TENM3: variants seen among roughly 807,000 people sequenced by gnomAD.
TENM3 encodes the protein teneurin-3.
In TENM3, 63 loss-of-function variants were observed where a neutral mutation model predicts 255.1. That is an observed-to-expected ratio of 0.25 (90% confidence interval 0.20 to 0.30). The LOEUF is 0.30. TENM3 is among the 10% of genes least tolerant of loss of function. The pLI is 1.00. For missense variants in TENM3, 2,929 were observed against 3,461.1 expected, an observed-to-expected ratio of 0.85 and a Z score of 3.86; for synonymous variants, 1,306 against 1,322.3, an observed-to-expected ratio of 0.99 and a Z score of 0.27.
chr4:181,946,770 G>A, the TENM3 span, among the ~76,000 whole-genome samples: 1 of 152,092 alleles, frequency 6.6e-6, no homozygotes, highest in Admixed American at 6.5e-5. Context: ...TTTGTGTTAC[G>A]TGTATTTATG....
At chr4:182,526,161 T>C (rs1027405928) in intron 3 of TENM3, among the ~76,000 whole-genome samples, 2 of 152,124 alleles carry the variant, frequency 1.3e-5, no homozygotes, top group Non-Finnish European at 2.9e-5. Flanking sequence ...TTTGTATTTT[T>C]AGTAGAGACG....
At chr4:181,475,864 C>T in the TENM3 span, among the ~76,000 whole-genome samples, 7 of 152,200 alleles carry the variant, frequency 4.6e-5, no homozygotes, top group Admixed American at 3.3e-4. Flanking sequence ...AACATTTCTA[C>T]CCCCGCAAAG....
the TENM3 span, among the ~76,000 whole-genome samples, chr4:181,533,115 A>G: frequency 6.6e-6 from 1 of 152,122 alleles, no homozygotes; most frequent in East Asian, 1.9e-4. Context: ...CTCCTGGAGA[A>G]CTCAATTATT....
the TENM3 span, among the ~76,000 whole-genome samples, chr4:182,101,729 T>C: frequency 2.0e-5 from 3 of 152,114 alleles, no homozygotes; most frequent in African/African-American, 4.8e-5. Context: ...CTAATAATAA[T>C]GTAGTGGATA....
chr4:182,364,747 C>T (rs1324829311), intron 3 of TENM3, among the ~76,000 whole-genome samples: 1 of 152,178 alleles, frequency 6.6e-6, no homozygotes, highest in Non-Finnish European at 1.5e-5. Context: ...TAAGTTTCCA[C>T]ATGCTATTGG....
chr4:181,811,537 C>A, the TENM3 span, among the ~76,000 whole-genome samples: 4 of 152,202 alleles, frequency 2.6e-5, no homozygotes, highest in African/African-American at 9.6e-5. Context: ...CTAATAAAGT[C>A]ATGCCTGAGA....
At chr4:182,627,812 T>C (rs4069813) in intron 4 of TENM3, among the ~76,000 whole-genome samples, 19,879 of 152,136 alleles carry the variant, frequency 0.13, 2,108 homozygotes, top group East Asian at 0.47. Flanking sequence ...GCTCTTGTCA[T>C]GTGACCACAC....
At chr4:181,536,388 A>G in the TENM3 span, among the ~76,000 whole-genome samples, 1 of 152,250 alleles carries the variant, frequency 6.6e-6, no homozygotes, top group Non-Finnish European at 1.5e-5. Flanking sequence ...ATCCTGCCCC[A>G]GCTCTGAGAT....
the TENM3 span, among the ~76,000 whole-genome samples, chr4:182,100,640 T>TATATATACAC: frequency 2.4e-3 from 124 of 50,812 alleles, 2 homozygotes; most frequent in African/African-American, 7.2e-3. Flanking sequence ...TATATACACA[T>TATATATACAC]ATATATACAC....
chr4:181,481,062 A>C, the TENM3 span, among the ~76,000 whole-genome samples: 1 of 151,930 alleles, frequency 6.6e-6, no homozygotes, highest in Non-Finnish European at 1.5e-5. Flanking sequence ...ATCAAAATTA[A>C]AAAGTTGAAT....
chr4:182,371,296 G>GT (rs1293707148), intron 3 of TENM3, among the ~76,000 whole-genome samples: 4 of 151,246 alleles, frequency 2.6e-5, no homozygotes, highest in African/African-American at 7.3e-5. Flanking sequence ...GTTGATGTTG[G>GT]TACCCAGCAT....
chr4:182,793,169 A>C lies in TENM3; in HGVS notation c.6497A>C (p.Asn2166Thr). 1 of 1,614,024 alleles carries C rather than the reference A, an allele frequency of 6.2e-7. No individual in the cohort carries two copies. The highest frequency in any genetic ancestry group is 8.5e-7 in the Non-Finnish European group (1 of 1,179,890). Residue 2166 changes from asparagine (N) to threonine (T), a missense_variant, in exon 26 of 28, where the codon AAC becomes ACC. Transcript: ENST00000511685. The surrounding 1 kb of genome is among the most constrained non-coding windows in gnomAD (Gnocchi z 5.7). ...NGNLHLLNPSNSARLTPLRYD... is the reference protein window; with the variant it reads ...NGNLHLLNPSTSARLTPLRYD... The stretch of plus-strand genomic sequence containing the variant: ...AACCTCCATTTACTGAACCCAAGTA[A>C]CAGTGCGCGTCTGACACCCCTTCGC...
In TENM3 at chr4:182,751,957, C is replaced by G; in HGVS notation, c.3787C>G (p.Gln1263Glu). 6.2e-7 allele frequency: 1 copy of G among 1,613,518 alleles called. No homozygotes were observed. The highest frequency in any genetic ancestry group is 8.5e-7 in the Non-Finnish European group (1 of 1,179,840). Residue 1263 changes from glutamine (Q) to glutamate (E), a missense_variant, in exon 20 of 28, where the codon CAA becomes GAA. Physicochemically the swap from Gln to Glu is conservative, Grantham distance 29 (BLOSUM62 2). This residue lies in a region of TENM3 where 1,608 missense variants were observed against 1,884.4 expected (regional missense o/e 0.85). Transcript: ENST00000511685. The stretch of plus-strand genomic sequence containing the variant: ...AGAAGTCGTCGCAGGGACAGGGGAG[C>G]AATGCCTTCCGTTTGACGAGGCGAG... ...NAEVVAGTGEQCLPFDEARCG... is the reference protein window; with the variant it reads ...NAEVVAGTGEECLPFDEARCG...
chr4:181,718,929 G>A, the TENM3 span, among the ~76,000 whole-genome samples: 41,059 of 151,910 alleles, frequency 0.27, 5,572 homozygotes, highest in Middle Eastern at 0.33. Flanking sequence ...AAAATGGGCC[G>A]GGCGCGGCGG....
At chr4:182,601,262 G>C (rs1747823498) in intron 4 of TENM3, 101 bp downstream of exon 4, 2 of 968,474 alleles carry the variant, frequency 2.1e-6, no homozygotes, top group Admixed American at 5.2e-5. Flanking sequence ...GGGTTTTGTT[G>C]TTGTTGTGTT....
At chr4:181,818,436 C>A in the TENM3 span, among the ~76,000 whole-genome samples, 7 of 152,088 alleles carry the variant, frequency 4.6e-5, no homozygotes, top group Admixed American at 4.6e-4. Flanking sequence ...TCCTGACGGC[C>A]CGCCCTATAG....
intron 2 of TENM3, among the ~76,000 whole-genome samples, chr4:182,326,865 G>A (rs763703863): frequency 7.2e-5 from 11 of 152,116 alleles, no homozygotes; most frequent in Admixed American, 5.2e-4. Context: ...TTTTGAATTC[G>A]AATGTTCATG....
intron 1 of TENM3, among the ~76,000 whole-genome samples, chr4:182,283,693 T>G (rs1760542671): frequency 6.6e-6 from 1 of 152,200 alleles, no homozygotes. Context: ...AGCGAATCCT[T>G]TGATACTGCG....
the TENM3 span, among the ~76,000 whole-genome samples, chr4:181,798,479 CTAG>C: frequency 6.6e-6 from 1 of 152,018 alleles, no homozygotes; most frequent in Admixed American, 6.5e-5. Flanking sequence ...TGGGCTTCCG[CTAG>C]TACATCTGGG....
Sources: gnomAD v4.1 joint callset for allele counts (sites outside exome capture counted in the v4.1 genomes callset) on GRCh38, gnomAD v4.1.1 for gene constraint, gnomAD v4.1.1 regional missense constraint, Gnocchi (gnomAD v3.1) non-coding constraint, MANE v1.5 for transcripts, NCBI Gene and HGNC (gene_info 2026-07-23, HGNC 2026-07-21) for gene names.